TBCA: variants seen among roughly 807,000 people sequenced by gnomAD.
TBCA encodes tubulin folding cofactor A.
Under a neutral mutation model 15.8 loss-of-function variants are expected in TBCA, and 6 were observed. The ratio of observed to expected loss-of-function variants is 0.38; its 90% CI spans 0.21 to 0.75. TBCA has a LOEUF of 0.75. Among genes scored for constraint, TBCA ranks in the 30% least tolerant of loss-of-function variants. TBCA has a pLI of 0.46. For missense variants in TBCA, 90 were observed against 131.2 expected (o/e 0.69, Z 1.53); for synonymous variants, 32 against 42.3 (o/e 0.76, Z 0.94).
At chr5:77,719,279 A>G (rs1001653675) in intron 1 of TBCA, among the ~76,000 whole-genome samples, 1 of 152,218 alleles carries the variant, frequency 6.6e-6, no homozygotes, top group African/African-American at 2.4e-5. Flanking sequence ...CAGAAAATAC[A>G]ATCGTATGTT....
At chr5:77,712,519 A>T (rs1252782728) in intron 1 of TBCA, among the ~76,000 whole-genome samples, 1 of 152,182 alleles carries the variant, frequency 6.6e-6, no homozygotes, top group East Asian at 1.9e-4. Context: ...GTATTTTAAA[A>T]TTTGTATTAA....
At chr5:77,714,636 A>G (rs1225851611) in intron 1 of TBCA, among the ~76,000 whole-genome samples, 2 of 151,036 alleles carry the variant, frequency 1.3e-5, no homozygotes, top group East Asian at 2.0e-4. Context: ...GCGCAATCTC[A>G]GCCTACTGCA....
chr5:77,750,781 G>C lies in TBCA; in HGVS notation c.53+25424C>G, dbSNP rs115368705. Reference sequence around the variant, plus strand: ...AGGAGGTCCTGAGGCCAGGTGGTCCGGGTACAGCTTGCTTTTGTACGTTTT... The same window carrying C: ...AGGAGGTCCTGAGGCCAGGTGGTCCCGGTACAGCTTGCTTTTGTACGTTTT... On this transcript the variant is annotated intron_variant, in intron 1 of 3. Coordinates refer to ENST00000380377, the MANE Select transcript of TBCA (RefSeq NM_004607.3). Among the ~76,000 whole-genome samples the C allele has an allele frequency of 7.8e-3, 1,192 of 152,260 alleles. 15 individuals are homozygous for C. Among genetic ancestry groups the C allele is most frequent in the African/African-American group, 0.027 (1,131 of 41,530 alleles).
At chr5:77,720,986 G>C (rs1746517910) in intron 1 of TBCA, among the ~76,000 whole-genome samples, 1 of 152,158 alleles carries the variant, frequency 6.6e-6, no homozygotes, top group Non-Finnish European at 1.5e-5. Flanking sequence ...ATAAATAGTT[G>C]TTTGTCTAAA....
intron 1 of TBCA, among the ~76,000 whole-genome samples, chr5:77,741,640 T>C (rs183536505): frequency 3.3e-5 from 5 of 152,172 alleles, no homozygotes; most frequent in Admixed American, 3.3e-4. Context: ...CCAGAGCAGA[T>C]GGCTAGGGAG....
chr5:77,736,802 A>C (rs1746918655), intron 1 of TBCA, among the ~76,000 whole-genome samples: 1 of 152,198 alleles, frequency 6.6e-6, no homozygotes, highest in African/African-American at 2.4e-5. Flanking sequence ...CTCAGACCTA[A>C]ATAATTGTAT....
intron 1 of TBCA, among the ~76,000 whole-genome samples, chr5:77,730,491 G>A (rs1164589917): frequency 1.3e-5 from 1 of 74,502 alleles, no homozygotes; most frequent in Non-Finnish European, 4.2e-5. Context: ...TTGTTTTTAT[G>A]CCACCCAGTT....
chr5:77,696,250 T>C (rs549974966), intron 2 of TBCA, among the ~76,000 whole-genome samples: 7 of 152,304 alleles, frequency 4.6e-5, no homozygotes, highest in Non-Finnish European at 7.4e-5. Flanking sequence ...CTGAAACCAA[T>C]GGCATTAGTT....
intron 1 of TBCA, among the ~76,000 whole-genome samples, chr5:77,749,890 G>A (rs952444557): frequency 6.6e-6 from 1 of 152,078 alleles, no homozygotes; most frequent in Admixed American, 6.5e-5. Context: ...AAAGGAACGA[G>A]GCTGCTCTAC....
At chr5:77,759,977 A>C (rs1012515598) in intron 1 of TBCA, among the ~76,000 whole-genome samples, 1 of 152,232 alleles carries the variant, frequency 6.6e-6, no homozygotes, top group Non-Finnish European at 1.5e-5. Context: ...CTAGAACAGA[A>C]GCAATGTCAG....
At chr5:77,702,392 G>A (rs1159172248) in intron 2 of TBCA, among the ~76,000 whole-genome samples, 3 of 151,972 alleles carry the variant, frequency 2.0e-5, no homozygotes, top group Non-Finnish European at 4.4e-5. Context: ...GGACCTAAAG[G>A]GAATTATATA....
chr5:77,714,416 T>G (rs1269593650), intron 1 of TBCA, among the ~76,000 whole-genome samples: 1 of 152,074 alleles, frequency 6.6e-6, no homozygotes, highest in African/African-American at 2.4e-5. Flanking sequence ...TCAGATTGAC[T>G]TACACTTCTC....
intron 2 of TBCA, 37 bp from the exon 3 acceptor site, chr5:77,693,389 CA>C (rs1352132593): frequency 6.3e-7 from 1 of 1,592,100 alleles, no homozygotes; most frequent in East Asian, 2.2e-5. Context: ...TCAAAGATGG[CA>C]GAACTTGTAG....
intron 1 of TBCA, among the ~76,000 whole-genome samples, chr5:77,712,522 TG>T (rs1341755259): frequency 6.6e-5 from 10 of 152,248 alleles, no homozygotes; most frequent in African/African-American, 2.4e-4. Flanking sequence ...TTTTAAAATT[TG>T]TATTAAGATA....
chr5:77,714,572 A>AT (rs761180601), intron 1 of TBCA, among the ~76,000 whole-genome samples: 5 of 126,834 alleles, frequency 3.9e-5, no homozygotes, highest in African/African-American at 1.3e-4. Flanking sequence ...TATTATTATT[A>AT]TTATTTTTTT....
intron 1 of TBCA, among the ~76,000 whole-genome samples, chr5:77,770,863 T>G (rs570350582): frequency 6.6e-6 from 1 of 152,058 alleles, no homozygotes; most frequent in African/African-American, 2.4e-5. Flanking sequence ...GGGCCAGGCA[T>G]AGTGGCTCAC....
intron 2 of TBCA, among the ~76,000 whole-genome samples, chr5:77,700,030 CAAAAAAAAAA>C (rs67790719): frequency 1.2e-5 from 1 of 86,112 alleles, no homozygotes; most frequent in South Asian, 4.6e-4. Flanking sequence ...GGCTCTGACT[CAAAAAAAAAA>C]AAAAAAAAAA....
chr5:77,776,077 G>T, intron 1 of TBCA, 128 bp downstream of exon 1: 3 of 1,188,548 alleles, frequency 2.5e-6, no homozygotes, highest in Non-Finnish European at 2.4e-6. Context: ...AGCCAACTGC[G>T]GAGCCCCGGG....
chr5:77,715,663 TAA>T (rs1373359409), intron 1 of TBCA, among the ~76,000 whole-genome samples: 6 of 152,188 alleles, frequency 3.9e-5, no homozygotes, highest in African/African-American at 1.4e-4. Context: ...CCTGGATTTA[TAA>T]AAAGTCTTCT....
Sources: gnomAD v4.1 joint callset for allele counts (sites outside exome capture counted in the v4.1 genomes callset) on GRCh38, gnomAD v4.1.1 for gene constraint, MANE v1.5 for transcripts, NCBI Gene and HGNC (gene_info 2026-07-23, HGNC 2026-07-21) for gene names.